PLXNA4: variants seen among roughly 807,000 people sequenced by gnomAD.
PLXNA4 encodes plexin A4.
PLXNA4 carries 44 observed loss-of-function variants against 191.8 expected under a neutral mutation model. The ratio of observed to expected loss-of-function variants is 0.23; its 90% CI spans 0.18 to 0.29. The LOEUF is 0.29. PLXNA4 is among the 10% of genes least tolerant of loss of function. PLXNA4 has a pLI of 1.00. For synonymous variants in PLXNA4, 1,082 were observed against 1,009.5 expected, an observed-to-expected ratio of 1.07 and a Z score of -1.36; for missense variants, 1,800 against 2,488.8, an observed-to-expected ratio of 0.72 and a Z score of 5.89.
chr7:132,218,386 C>T (rs930076678), intron 9 of PLXNA4, among the ~76,000 whole-genome samples: 1 of 152,192 alleles, frequency 6.6e-6, no homozygotes, highest in Non-Finnish European at 1.5e-5. Context: ...CTGAGAGCCT[C>T]CTTGGTGAGC....
intron 9 of PLXNA4, among the ~76,000 whole-genome samples, chr7:132,215,355 A>C (rs1584856083): frequency 6.6e-6 from 1 of 152,346 alleles, no homozygotes; most frequent in Non-Finnish European, 1.5e-5. Context: ...GAGTCTCTTT[A>C]TTCATAAAAT....
intron 10 of PLXNA4, among the ~76,000 whole-genome samples, chr7:132,210,459 T>C (rs1797761049): frequency 6.6e-6 from 1 of 152,194 alleles, no homozygotes; most frequent in Non-Finnish European, 1.5e-5. Context: ...CATTTGTTAT[T>C]TCCTCCTGCC....
intron 4 of PLXNA4, among the ~76,000 whole-genome samples, chr7:132,282,404 C>A (rs1800512240): frequency 6.6e-6 from 1 of 151,714 alleles, no homozygotes; most frequent in Non-Finnish European, 1.5e-5. Flanking sequence ...GAAACCCCAT[C>A]TCTACAAAAA....
At chr7:132,575,587 G>C (rs1802188994) in intron 1 of PLXNA4, among the ~76,000 whole-genome samples, 1 of 152,232 alleles carries the variant, frequency 6.6e-6, no homozygotes, top group Admixed American at 6.5e-5. Context: ...GTAGGGAGGT[G>C]AGAGGGGACC....
Position 132,508,426 on chromosome 7 carries a change from C to T in PLXNA4, c.268G>A (p.Glu90Lys), listed in dbSNP as rs746205942. 14 of 1,614,058 alleles carry T rather than the reference C, an allele frequency of 8.7e-6. No individual in the cohort carries two copies. Among genetic ancestry groups the T allele is most frequent in the Non-Finnish European group, 1.1e-5 (13 of 1,180,050 alleles). ...VLVTHETGPD[E>K]DNPKCYPPRI... ...GGTGGGTAACACTTGGGGTTGTCCT[C>T]GTCCGGCCCTGTCTCATGCGTCACC... Residue 90 changes from glutamate to lysine, a missense_variant, in exon 2 of 32, where the codon GAG becomes AAG. Transcript: ENST00000321063. The surrounding 1 kb of genome is among the most constrained non-coding windows in gnomAD (Gnocchi z 4.4).
intron 3 of PLXNA4, among the ~76,000 whole-genome samples, chr7:132,393,598 T>C (rs1793614491): frequency 6.6e-6 from 1 of 152,208 alleles, no homozygotes; most frequent in Non-Finnish European, 1.5e-5. Context: ...TACACAACAC[T>C]GTGCTAAGCA....
intron 3 of PLXNA4, among the ~76,000 whole-genome samples, chr7:132,396,092 G>C (rs1011282263): frequency 1.3e-5 from 2 of 152,164 alleles, no homozygotes; most frequent in Non-Finnish European, 2.9e-5. Context: ...ATGTACCCTA[G>C]AGATGAGGAG....
chr7:132,470,060 C>A (rs1467559168), intron 3 of PLXNA4, among the ~76,000 whole-genome samples: 1 of 152,216 alleles, frequency 6.6e-6, no homozygotes, highest in East Asian at 1.9e-4. Context: ...TCTGCCTTGT[C>A]CAGTTAAGAC....
chr7:132,190,219 A>G (rs759541050), intron 14 of PLXNA4, among the ~76,000 whole-genome samples: 13 of 152,178 alleles, frequency 8.5e-5, no homozygotes, highest in Non-Finnish European at 1.8e-4. Flanking sequence ...TACAAATTCC[A>G]TCTTTGCCTC....
At chr7:132,192,871 G>A (rs962312387) in intron 14 of PLXNA4, among the ~76,000 whole-genome samples, 22 of 152,110 alleles carry the variant, frequency 1.4e-4, no homozygotes, top group African/African-American at 5.3e-4. Context: ...AGGGATGAGA[G>A]GTTCCAGGCA....
chr7:132,563,350 TCTCCTCCTTCTCCTCCTC>T (rs1407748593), intron 1 of PLXNA4, among the ~76,000 whole-genome samples: 166 of 16,306 alleles, frequency 0.01, no homozygotes, highest in Non-Finnish European at 0.016. Context: ...TCCTCCTCTT[TCTCCTCCTTCTCCTCCTC>T]CTCCTCCTTC....
chr7:132,143,726 T>C (rs925590256), intron 29 of PLXNA4, among the ~76,000 whole-genome samples: 3 of 152,182 alleles, frequency 2.0e-5, no homozygotes, highest in Admixed American at 1.3e-4. Context: ...CTGGGAGATA[T>C]CAGACCCAGC....
rs573889768 is a variant in PLXNA4 at position 132,161,099 on chromosome 7, G to T, written c.4501-1467C>A. Among the ~76,000 whole-genome samples the T allele has an allele frequency of 2.1e-3, 326 of 152,254 alleles. 2 individuals carry two copies. Among genetic ancestry groups the T allele is most frequent in the African/African-American group, 7.3e-3 (304 of 41,550 alleles). Reference sequence around the variant, plus strand: ...TCCCTCTGCTCAGCAGCCAGGCAAAGCCTGACCCTTGGGCTGTTCTGGCAG... The same window carrying T: ...TCCCTCTGCTCAGCAGCCAGGCAAATCCTGACCCTTGGGCTGTTCTGGCAG... On this transcript the variant is annotated intron_variant, in intron 24 of 31. Coordinates refer to ENST00000321063, the MANE Select transcript of PLXNA4 (RefSeq NM_020911.2).
chr7:132,387,778 G>A (rs1379857561), intron 3 of PLXNA4, among the ~76,000 whole-genome samples: 1 of 152,144 alleles, frequency 6.6e-6, no homozygotes, highest in Non-Finnish European at 1.5e-5. Flanking sequence ...ACAGCAGGAT[G>A]TTTATTTAGA....
At chr7:132,641,181 T>C (rs13224316) in intron 2 of PLXNA4, among the ~76,000 whole-genome samples, 1 of 152,248 alleles carries the variant, frequency 6.6e-6, no homozygotes, top group Admixed American at 6.5e-5. Context: ...GATCTCCTTG[T>C]GGACTCTTTC....
intron 1 of PLXNA4, among the ~76,000 whole-genome samples, chr7:132,530,165 C>T (rs986606994): frequency 6.6e-6 from 1 of 152,066 alleles, no homozygotes; most frequent in Non-Finnish European, 1.5e-5. Context: ...TCACCAAGGG[C>T]CATGAGGAAA....
chr7:132,477,840 C>T (rs1213767964), intron 3 of PLXNA4, among the ~76,000 whole-genome samples: 1 of 152,102 alleles, frequency 6.6e-6, no homozygotes, highest in Admixed American at 6.5e-5. Context: ...TTGAAAGCTT[C>T]TATTGCCTAT....
At chr7:132,352,826 C>G (rs750349004) in intron 3 of PLXNA4, among the ~76,000 whole-genome samples, 1 of 152,134 alleles carries the variant, frequency 6.6e-6, no homozygotes, top group Admixed American at 6.5e-5. Flanking sequence ...GCCTTCTCCC[C>G]TTTGCTGTAC....
rs192730116 is a variant in PLXNA4, at chr7:132,520,404, C to T, written c.-86-11625G>A. Among the ~76,000 whole-genome samples, 54 of 152,304 alleles carry T rather than the reference C, an allele frequency of 3.5e-4. No individual in the cohort carries two copies. The East Asian group carries it at 8.1e-3, about 23-fold the overall frequency. ...TTCTGGGAAAGGCCTTTGCTTCTTC[C>T]GGCCTCTGAGGACCTGGGTCCGCAG... On this transcript the variant is annotated intron_variant, in intron 1 of 31. Transcript: ENST00000321063.
Sources: gnomAD v4.1 joint callset for allele counts (sites outside exome capture counted in the v4.1 genomes callset) on GRCh38, gnomAD v4.1.1 for gene constraint, Gnocchi (gnomAD v3.1) non-coding constraint, MANE v1.5 for transcripts, NCBI Gene and HGNC (gene_info 2026-07-23, HGNC 2026-07-21) for gene names.